The following PUS7L variants were observed in gnomAD, a reference collection of about 807,000 sequenced individuals.
PUS7L encodes pseudouridine synthase 7 like.
In PUS7L, 49 loss-of-function variants were observed where a neutral mutation model predicts 51.1. The ratio of observed to expected loss-of-function variants is 0.96; its 90% CI spans 0.76 to 1.22. PUS7L has a LOEUF of 1.22. Ranked by LOEUF, PUS7L falls within the 50% of genes most tolerant of loss-of-function variation. PUS7L has a pLI of 0.00. For missense variants in PUS7L, 828 were observed against 820.6 expected, an observed-to-expected ratio of 1.01 and a Z score of -0.11; for synonymous variants, 277 against 276.2, an observed-to-expected ratio of 1.00 and a Z score of -0.03.
At chr12:43,757,944 T>C (rs138872550) in intron 1 of PUS7L, among the ~76,000 whole-genome samples, 321 of 152,280 alleles carry the variant, frequency 2.1e-3, no homozygotes, top group African/African-American at 7.3e-3. Context: ...ATGGAAGATG[T>C]TGAATGCCCT....
chr12:43,747,558 G>T (rs1239231970), intron 3 of PUS7L, among the ~76,000 whole-genome samples: 1 of 151,936 alleles, frequency 6.6e-6, no homozygotes, highest in African/African-American at 2.4e-5. Context: ...GCCAGGCATG[G>T]TGGTGGGCGC....
intron 1 of PUS7L, among the ~76,000 whole-genome samples, chr12:43,756,088 T>A (rs181197289): frequency 0.01 from 1,561 of 152,344 alleles, 8 homozygotes; most frequent in South Asian, 0.029. Flanking sequence ...TATCATCATC[T>A]GGACCATCAT....
intron 1 of PUS7L, among the ~76,000 whole-genome samples, chr12:43,756,714 A>C (rs1469828843): frequency 6.6e-6 from 1 of 152,074 alleles, no homozygotes; most frequent in Admixed American, 6.5e-5. Flanking sequence ...ATCTCCAAAA[A>C]CTGCATTAAC....
At chr12:43,743,161 T>G (rs1031260932) in intron 4 of PUS7L, among the ~76,000 whole-genome samples, 2 of 152,044 alleles carry the variant, frequency 1.3e-5, no homozygotes, top group Admixed American at 1.3e-4. Context: ...CTGCTGGAGG[T>G]GAACCATACA....
At chr12:43,732,701 G>T (rs147875322) in intron 7 of PUS7L, among the ~76,000 whole-genome samples, 2 of 152,170 alleles carry the variant, frequency 1.3e-5, no homozygotes, top group Admixed American at 6.5e-5. Flanking sequence ...TTCATCACAC[G>T]GTACAGTGTC....
chr12:43,733,410 A>G (rs1166753834), intron 7 of PUS7L, among the ~76,000 whole-genome samples: 2 of 152,192 alleles, frequency 1.3e-5, no homozygotes, highest in Non-Finnish European at 2.9e-5. Context: ...TAATAAAATA[A>G]GTGATCGATC....
intron 7 of PUS7L, among the ~76,000 whole-genome samples, chr12:43,734,662 T>A (rs541006312): frequency 1.3e-4 from 20 of 152,316 alleles, no homozygotes; most frequent in Non-Finnish European, 2.9e-4. Context: ...CTATACTCCA[T>A]GATTTTTCTA....
chr12:43,752,488 T>A (rs1431528852), intron 2 of PUS7L, among the ~76,000 whole-genome samples: 2 of 152,272 alleles, frequency 1.3e-5, no homozygotes, highest in African/African-American at 4.8e-5. Flanking sequence ...TTATATCCCA[T>A]CCACTGGCAG....
Position 43,758,351 on chromosome 12 carries a change from G to C in PUS7L, c.-17+379C>G, listed in dbSNP as rs4251421. ...AGGTGCAGTATTCCCATTCAACAGA[G>C]ACTGCTGCTGACAGTGGGCGGGGGA... On this transcript the variant is annotated intron_variant, in intron 1 of 8. Coordinates refer to ENST00000344862, the MANE Select transcript of PUS7L (RefSeq NM_031292.5). 43 of 985,554 alleles carry C rather than the reference G, an allele frequency of 4.4e-5. No individual in the cohort carries two copies. The African/African-American group carries it at 7.5e-4, about 17-fold the overall frequency. 61.1% of individuals were successfully genotyped at this position (985,554 alleles called of 1,614,324 possible). A position where few individuals can be genotyped will look rare whatever the true frequency, so the allele number is the denominator to read the frequency against.
chr12:43,730,674 A>G lies in PUS7L; in HGVS notation c.1808T>C (p.Ile603Thr), dbSNP rs751141036. ...QVVLPVLGYN[I>T]QYPKNKVGQW... The stretch of plus-strand genomic sequence containing the variant: ...CCCTACTTTGTTCTTCGGGTACTGA[A>G]TATTGTATCCAAGTACTGGAAGAAC... Residue 603 changes from isoleucine to threonine, a missense_variant, in exon 9 of 9, where the codon ATT becomes ACT. By Grantham distance (89) the Ile-to-Thr change is moderately conservative (BLOSUM62 -1). Transcript: ENST00000344862. 165 of 1,609,048 alleles carry G rather than the reference A, an allele frequency of 1.0e-4. No homozygotes were observed. Among genetic ancestry groups the G allele is most frequent in the Non-Finnish European group, 1.4e-4 (161 of 1,176,082 alleles).
At chr12:43,746,272 T>C (rs1423405531) in intron 3 of PUS7L, 34 bp from the exon 4 acceptor site, 2 of 958,132 alleles carry the variant, frequency 2.1e-6, no homozygotes, top group Non-Finnish European at 3.0e-6. Context: ...CTCAGTTAAA[T>C]TTTACATTTA....
intron 4 of PUS7L, 200 bp from the exon 5 acceptor site, chr12:43,742,755 T>TA (rs1484239372): frequency 1.1e-5 from 6 of 569,226 alleles, no homozygotes; most frequent in Non-Finnish European, 1.3e-5. Flanking sequence ...AGTTAGAACA[T>TA]AAAACCAATG....
rs1286651802 is a variant in PUS7L at position 43,755,613 on chromosome 12, AC to A, written c.-16-353del. Among the ~76,000 whole-genome samples the A allele has an allele frequency of 1.4e-4, 22 of 152,320 alleles. No individual in the cohort carries two copies. In the South Asian group the frequency reaches 2.9e-3, roughly 20 times the overall value. ...AGAGGTGAGAACACAGGACTATAAA[AC>A]AAAGATTTGTCCAAATTCCATTCCT... On this transcript the variant is annotated intron_variant, in intron 1 of 8. Transcript: ENST00000344862.
In PUS7L at chr12:43,729,396, T is replaced by A. The variant is rs963959184; in HGVS notation, c.*980A>T. 2.6e-6 allele frequency: 1 copy of A among 383,798 alleles called. No individual in the cohort carries two copies. Among genetic ancestry groups the A allele is most frequent in the South Asian group, 1.5e-4 (1 of 6,890 alleles). The allele number at this position is 383,798 out of a possible 1,614,324, so 23.8% of individuals were successfully genotyped here. A position where few individuals can be genotyped will look rare whatever the true frequency, so the allele number is the denominator to read the frequency against. ...TATATCTTACCAACAATGAAAGAAA[T>A]GCTCAGATCTTCCTAAATCAATACA... On this transcript the variant is annotated 3_prime_UTR_variant, in exon 9 of 9. Transcript: ENST00000344862.
At position 43,754,482 on chromosome 12, in the gene PUS7L, T is replaced by A; in HGVS notation, c.764A>T (p.Asn255Ile). ...AGAAAAAGATTTGGTTTCCACAAGG[T>A]TTCCAAACTTTTTGTTGACAAAATG... ...VHHFVNKKFGNLVETKSFSKM... is the reference protein window; with the variant it reads ...VHHFVNKKFGILVETKSFSKM... The change falls in exon 2 of 9, where the codon AAC becomes ATC. Residue 255 changes from asparagine to isoleucine, a missense_variant. Coordinates refer to ENST00000344862, the MANE Select transcript of PUS7L (RefSeq NM_031292.5). 6.2e-7 allele frequency: 1 copy of A among 1,613,956 alleles called. No homozygotes were observed. The highest frequency in any genetic ancestry group is 2.2e-5 in the East Asian group (1 of 44,870).
Position 43,728,996 on chromosome 12 carries a change from T to C in PUS7L, c.*1380A>G. Reference sequence around the variant, plus strand: ...TGTGCTTTTAATCACTATGCTAACATGTCTCTTATTTGTGAAAGATGAATT... The same window carrying C: ...TGTGCTTTTAATCACTATGCTAACACGTCTCTTATTTGTGAAAGATGAATT... On this transcript the variant is annotated 3_prime_UTR_variant, in exon 9 of 9. Coordinates refer to ENST00000344862, the MANE Select transcript of PUS7L (RefSeq NM_031292.5). 8.4e-6 allele frequency: 3 copies of C among 358,154 alleles called. No individual in the cohort carries two copies. The allele number at this position is 358,154 out of a possible 1,614,324, so 22.2% of individuals were successfully genotyped here.
intron 1 of PUS7L, chr12:43,758,278 G>A: frequency 1.0e-6 from 1 of 980,838 alleles, no homozygotes; most frequent in Non-Finnish European, 1.2e-6. Flanking sequence ...TAGAAGAGTG[G>A]AACTGACCTG....
At position 43,725,456 on chromosome 12, in the gene PUS7L, T is replaced by C; in HGVS notation, c.*4920A>G. 6.6e-6 allele frequency: 1 copy of C among 151,000 alleles called. No individual in the cohort carries two copies. The highest frequency in any genetic ancestry group is 2.4e-5 in the African/African-American group (1 of 41,066). 9.4% of individuals were successfully genotyped at this position (151,000 alleles called of 1,614,324 possible). A position where few individuals can be genotyped will look rare whatever the true frequency, so the allele number is the denominator to read the frequency against. The stretch of plus-strand genomic sequence containing the variant: ...TTTTTTTTTTTTTTGAGGTGGAGCC[T>C]CGCTCTGTCACCTAGGCTGGGCAAT... On this transcript the variant is annotated 3_prime_UTR_variant, in exon 9 of 9. Coordinates refer to ENST00000344862, the MANE Select transcript of PUS7L (RefSeq NM_031292.5).
At chr12:43,744,473 C>G (rs1478547118) in intron 4 of PUS7L, among the ~76,000 whole-genome samples, 1 of 152,166 alleles carries the variant, frequency 6.6e-6, no homozygotes, top group East Asian at 1.9e-4. Context: ...TGAAGAGGTG[C>G]CTTCTGCCAT....
Sources: allele counts gnomAD v4.1 joint callset (sites outside exome capture counted in the v4.1 genomes callset), GRCh38; gene constraint gnomAD v4.1.1; transcripts MANE v1.5; gene names NCBI Gene and HGNC (gene_info 2026-07-23, HGNC 2026-07-21).